Variants in RBBP4 observed in about 807,000 individuals in gnomAD.
The protein encoded by RBBP4 is RB binding protein 4, chromatin remodeling factor.
Under a neutral mutation model 57.2 loss-of-function variants are expected in RBBP4, and 3 were observed. The observed-to-expected ratio is 0.05, with a 90% CI of 0.02 to 0.14. RBBP4 has a LOEUF of 0.14. Among genes scored for constraint, RBBP4 ranks in the 10% least tolerant of loss-of-function variants. RBBP4 has a pLI of 1.00. For missense variants in RBBP4, 107 were observed against 520.6 expected (o/e 0.21, Z 7.73); for synonymous variants, 151 against 171.5 (o/e 0.88, Z 0.93).
Position 32,653,560 on chromosome 1 carries a change from A to G in RBBP4, c.164+1499A>G, listed in dbSNP as rs1333300854. On this transcript the variant is annotated intron_variant, in intron 2 of 11. Transcript: ENST00000373493. ...AAGGAAAAATAGGGAAATGTGTCCT[A>G]GGGATGTTACACAAAACCATAGTAA... is the stretch of plus-strand genomic sequence containing the variant. Among the ~76,000 whole-genome samples the G allele has an allele frequency of 3.6e-5, 5 of 140,000 alleles. No individual in the cohort carries two copies. The East Asian group carries it at 1.0e-3, about 29-fold the overall frequency. 91.8% of individuals were successfully genotyped at this position (140,000 alleles called of 152,430 possible).
Position 32,657,505 on chromosome 1 carries a change from A to G in RBBP4, c.243A>G (p.Ile81Met), listed in dbSNP as rs1443256136. 1 of 1,614,140 alleles carries G rather than the reference A, an allele frequency of 6.2e-7. No homozygotes were observed. Among genetic ancestry groups the G allele is most frequent in the African/African-American group, 1.3e-5 (1 of 75,056 alleles). The change falls in exon 3 of 12, where the codon ATA (isoleucine) becomes ATG (methionine). Residue 81 changes from isoleucine (I) to methionine (M), a missense_variant. By Grantham distance (10) the Ile-to-Met change is conservative. Transcript: ENST00000373493. ...CGGATGAACAAAACCATCTTGTTAT[A>G]GCCAGTGTGCAGCTCCCTAATGATG... ...HTSDEQNHLVIASVQLPNDDA... is the reference protein window; with the variant it reads ...HTSDEQNHLVMASVQLPNDDA...
intron 2 of RBBP4, chr1:32,652,328 C>T (rs1647807277): frequency 5.7e-6 from 2 of 350,736 alleles, no homozygotes; most frequent in Non-Finnish European, 1.1e-5. Flanking sequence ...GTGGCTGTAC[C>T]AAATAATAGT....
intron 3 of RBBP4, among the ~76,000 whole-genome samples, chr1:32,661,301 C>CT (rs370489912): frequency 0.061 from 8,099 of 132,054 alleles, 783 homozygotes; most frequent in African/African-American, 0.18. Flanking sequence ...ATTTTTAGTT[C>CT]CTTTTTTTTT....
In RBBP4 at chr1:32,651,339, C is replaced by T. The variant is rs756632951; in HGVS notation, c.16+17C>T. ...ACAAGGAAGGTGAGGGTGCCGGGGC[C>T]GACCCAGGAGGGCAGTGGGTGCCTG... On this transcript the variant is annotated intron_variant, in intron 1 of 11. Coordinates refer to ENST00000373493, the MANE Select transcript of RBBP4 (RefSeq NM_005610.3). 22 of 1,452,732 alleles carry T rather than the reference C, an allele frequency of 1.5e-5. No individual in the cohort carries two copies. The East Asian group carries it at 6.3e-4, about 42-fold the overall frequency. 90.0% of individuals were successfully genotyped at this position (1,452,732 alleles called of 1,614,324 possible). A position where few individuals can be genotyped will look rare whatever the true frequency, so the allele number is the denominator to read the frequency against.
At chr1:32,675,146 T>C (rs1411864270) in intron 11 of RBBP4, among the ~76,000 whole-genome samples, 2 of 152,050 alleles carry the variant, frequency 1.3e-5, no homozygotes, top group Non-Finnish European at 2.9e-5. Flanking sequence ...TTCTCCTGCC[T>C]CAGCCTCCCG....
At chr1:32,665,678 TAAAA>T (rs57130788) in intron 3 of RBBP4, among the ~76,000 whole-genome samples, 3 of 136,554 alleles carry the variant, frequency 2.2e-5, no homozygotes, top group South Asian at 2.3e-4. Flanking sequence ...ACCCTGTCTT[TAAAA>T]AAAAAAAAAA....
intron 3 of RBBP4, 63 bp from the exon 4 acceptor site, chr1:32,668,162 T>A (rs931094005): frequency 3.4e-6 from 5 of 1,464,924 alleles, no homozygotes; most frequent in Non-Finnish European, 4.7e-6. Flanking sequence ...TGTGTTCTTA[T>A]ACTCTGGGTA....
chr1:32,653,298 T>G (rs1647973037), intron 2 of RBBP4, among the ~76,000 whole-genome samples: 1 of 152,114 alleles, frequency 6.6e-6, no homozygotes, highest in Admixed American at 6.6e-5. Flanking sequence ...ATTAACATAG[T>G]TTTAACAAGA....
chr1:32,681,516 C>A lies in RBBP4; in HGVS notation c.*1811C>A. The A allele has an allele frequency of 2.9e-6, 1 of 345,046 alleles. No homozygotes were observed. The allele number at this position is 345,046 out of a possible 1,614,324, so 21.4% of individuals were successfully genotyped here. A position where few individuals can be genotyped will look rare whatever the true frequency, so the allele number is the denominator to read the frequency against. ...GCAAGATACATTCTTTAAAATACTC[C>A]CAGATGTGTCCATACATTCATCCTT... is the stretch of plus-strand genomic sequence containing the variant. On this transcript the variant is annotated 3_prime_UTR_variant, in exon 12 of 12. Coordinates refer to ENST00000373493, the MANE Select transcript of RBBP4 (RefSeq NM_005610.3).
In RBBP4 at chr1:32,681,587, A is replaced by G; in HGVS notation, c.*1882A>G. On this transcript the variant is annotated 3_prime_UTR_variant, in exon 12 of 12. Coordinates refer to ENST00000373493, the MANE Select transcript of RBBP4 (RefSeq NM_005610.3). ...GTTGTTGCTGGAAGACAGGAGGCTC[A>G]TCTTTCCTTTCCTTGGTGCATTGAG... is the stretch of plus-strand genomic sequence containing the variant. 3 of 577,776 alleles carry G rather than the reference A, an allele frequency of 5.2e-6. No homozygotes were observed. Among genetic ancestry groups the G allele is most frequent in the Non-Finnish European group, 9.2e-6 (3 of 325,258 alleles). The allele number at this position is 577,776 out of a possible 1,614,324, so 35.8% of individuals were successfully genotyped here.
At chr1:32,674,381 G>A (rs1471827917) in intron 11 of RBBP4, among the ~76,000 whole-genome samples, 1 of 152,014 alleles carries the variant, frequency 6.6e-6, no homozygotes, top group East Asian at 1.9e-4. Context: ...CCACAGGTGT[G>A]CATCACCAGC....
chr1:32,675,954 G>T (rs1649086537), intron 11 of RBBP4, among the ~76,000 whole-genome samples: 1 of 151,972 alleles, frequency 6.6e-6, no homozygotes, highest in African/African-American at 2.4e-5. Context: ...AGGCTTGGTG[G>T]TACGTGCCTG....
chr1:32,675,644 C>T (rs1317074298), intron 11 of RBBP4, among the ~76,000 whole-genome samples: 4 of 151,948 alleles, frequency 2.6e-5, no homozygotes. Flanking sequence ...TGGCGGGCGC[C>T]TGTAGTCCCA....
At chr1:32,653,400 TC>T (rs1280657086) in intron 2 of RBBP4, among the ~76,000 whole-genome samples, 2 of 152,158 alleles carry the variant, frequency 1.3e-5, no homozygotes, top group African/African-American at 2.4e-5. Flanking sequence ...GTAAATTCCT[TC>T]AAAACTTGGA....
chr1:32,652,285 T>C, intron 2 of RBBP4: 1 of 496,446 alleles, frequency 2.0e-6, no homozygotes, highest in Non-Finnish European at 3.6e-6. Context: ...CTGAATTAAA[T>C]AGCTGTAGCT....
At position 32,651,334 on chromosome 1, in the gene RBBP4, G is replaced by A; in HGVS notation, c.16+12G>A. 1.4e-6 allele frequency: 2 copies of A among 1,454,850 alleles called. No individual in the cohort carries two copies. The highest frequency in any genetic ancestry group is 1.8e-6 in the Non-Finnish European group (2 of 1,103,804). The allele number at this position is 1,454,850 out of a possible 1,614,324, so 90.1% of individuals were successfully genotyped here. A position where few individuals can be genotyped will look rare whatever the true frequency, so the allele number is the denominator to read the frequency against. ...GGCCGACAAGGAAGGTGAGGGTGCCGGGGCCGACCCAGGAGGGCAGTGGGT... is the reference window on the plus strand; with the variant it reads ...GGCCGACAAGGAAGGTGAGGGTGCCAGGGCCGACCCAGGAGGGCAGTGGGT... On this transcript the variant is annotated intron_variant, in intron 1 of 11. Transcript: ENST00000373493.
intron 3 of RBBP4, chr1:32,662,173 C>T (rs559396480): frequency 3.4e-4 from 106 of 308,842 alleles, no homozygotes; most frequent in African/African-American, 8.9e-4. Context: ...CTTGAGCCAC[C>T]GCGCCCGGGT....
In RBBP4 at chr1:32,669,433, T is replaced by A. The variant is rs1648778570; in HGVS notation, c.889-53T>A. 1.3e-6 allele frequency: 2 copies of A among 1,567,240 alleles called. No individual in the cohort carries two copies. Among genetic ancestry groups the A allele is most frequent in the East Asian group, 4.5e-5 (2 of 44,488 alleles). Reference sequence around the variant, plus strand: ...AATTGCAGAGATATTTTACTTACAGTATTTTTTTTTTCTTAAAAAATTGAT... The same window carrying A: ...AATTGCAGAGATATTTTACTTACAGAATTTTTTTTTTCTTAAAAAATTGAT... On this transcript the variant is annotated intron_variant, in intron 7 of 11. Coordinates refer to ENST00000373493, the MANE Select transcript of RBBP4 (RefSeq NM_005610.3). This position sits in a 1 kb window ranked among gnomAD's most constrained non-coding sequence, Gnocchi z 4.9.
chr1:32,670,582 A>C (rs1371724103), intron 8 of RBBP4, among the ~76,000 whole-genome samples: 6 of 151,866 alleles, frequency 4.0e-5, no homozygotes, highest in African/African-American at 1.2e-4. Context: ...TTTTTAATTA[A>C]TTTTTTTGAG....
Sources: gnomAD v4.1 joint callset for allele counts (sites outside exome capture counted in the v4.1 genomes callset) on GRCh38, gnomAD v4.1.1 for gene constraint, Gnocchi (gnomAD v3.1) non-coding constraint, MANE v1.5 for transcripts, NCBI Gene and HGNC (gene_info 2026-07-23, HGNC 2026-07-21) for gene names.